WDR18: variants seen among roughly 807,000 people sequenced by gnomAD.
WDR18 encodes the protein WD repeat-containing protein 18.
WDR18 carries 33 observed loss-of-function variants against 49.6 expected under a neutral mutation model. The observed-to-expected ratio is 0.67, with a 90% CI of 0.50 to 0.89. The LOEUF is 0.89. Ranked by LOEUF, WDR18 falls within the 40% of genes least tolerant of loss-of-function variation. The probability of loss-of-function intolerance (pLI) is 0.00; values close to 1 mark genes in which losing one functional copy is unlikely to be tolerated. For synonymous variants in WDR18, 315 were observed against 263.6 expected, an observed-to-expected ratio of 1.19 and a Z score of -1.89; for missense variants, 653 against 593.6, an observed-to-expected ratio of 1.10 and a Z score of -1.04.
Position 991,163 on chromosome 19 carries a change from G to C in WDR18, c.806+18G>C. On this transcript the variant is annotated intron_variant, in intron 6 of 9. Transcript: ENST00000585809. ...GGGCACAGGTGGGGACGTGGGAACG[G>C]GGCGGGGGCTCCCAGGCACGTCCTG... The C allele has an allele frequency of 6.4e-7, 1 of 1,558,388 alleles. No homozygotes were observed. Among genetic ancestry groups the C allele is most frequent in the Non-Finnish European group, 8.7e-7 (1 of 1,151,230 alleles).
intron 2 of WDR18, among the ~76,000 whole-genome samples, chr19:987,898 A>G (rs11670507): frequency 0.48 from 67,054 of 140,708 alleles, 16,240 homozygotes; most frequent in Non-Finnish European, 0.54. Flanking sequence ...GCAGTGGCTC[A>G]ATCTCAGATC....
intron 2 of WDR18, among the ~76,000 whole-genome samples, chr19:986,849 G>A (rs2038480656): frequency 6.6e-6 from 1 of 152,192 alleles, no homozygotes; most frequent in Admixed American, 6.5e-5. Context: ...CGGCTGTGTT[G>A]TCACAAATGG....
intron 1 of WDR18, among the ~76,000 whole-genome samples, chr19:984,906 G>A (rs932614143): frequency 6.6e-6 from 1 of 152,192 alleles, no homozygotes; most frequent in Non-Finnish European, 1.5e-5. Flanking sequence ...TGTGGATGTT[G>A]TGGTTCTGGA....
chr19:991,831 G>A lies in WDR18; in HGVS notation c.932-124G>A, dbSNP rs1230994230. ...CGTGGGGCGGGGCCTGGCTGGGGGC[G>A]TGGACTGGCTGTGGGGCGGGGACTG... On this transcript the variant is annotated intron_variant, in intron 7 of 9. Coordinates refer to ENST00000585809, the MANE Select transcript of WDR18 (RefSeq NM_024100.4). The A allele has an allele frequency of 1.7e-5, 18 of 1,077,610 alleles. No individual in the cohort carries two copies. In the Admixed American group the frequency reaches 3.0e-4, roughly 18 times the overall value. 66.8% of individuals were successfully genotyped at this position (1,077,610 alleles called of 1,614,324 possible).
At chr19:989,424 A>G (rs1050577186) in intron 2 of WDR18, among the ~76,000 whole-genome samples, 3 of 152,042 alleles carry the variant, frequency 2.0e-5, no homozygotes, top group Non-Finnish European at 2.9e-5. Context: ...AGCCGTTCCT[A>G]CGGGGCCCAC....
chr19:989,625 C>G, intron 2 of WDR18, 137 bp from the exon 3 acceptor site: 1 of 1,299,114 alleles, frequency 7.7e-7, no homozygotes, highest in Non-Finnish European at 1.0e-6. Context: ...CAGGGTCACC[C>G]CGCAGTCCTG....
chr19:993,544 G>T (rs2038588357), intron 8 of WDR18, among the ~76,000 whole-genome samples: 1 of 152,262 alleles, frequency 6.6e-6, no homozygotes, highest in Non-Finnish European at 1.5e-5. Context: ...CAGGAGGCGG[G>T]TTCCCGACCT....
Position 990,897 on chromosome 19 carries a change from G to C in WDR18, c.643G>C (p.Asp215His). 1 of 1,612,658 alleles carries C rather than the reference G, an allele frequency of 6.2e-7. No individual in the cohort carries two copies. Among genetic ancestry groups the C allele is most frequent in the South Asian group, 1.1e-5 (1 of 91,044 alleles). The change falls in exon 5 of 10, where the codon GAC becomes CAC. Residue 215 changes from aspartate to histidine, a missense_variant. Transcript: ENST00000585809. ...SGELLLSVLF[D>H]VSIMAVTMDL... ...GGAGCTGCTGCTCTCCGTCCTCTTT[G>C]ACGTGTCCATCATGGCAGTGACCAT...
At chr19:990,067 CTGGGGGCCG>C (rs2145509199) in intron 3 of WDR18, 147 bp from the exon 4 acceptor site, 1 of 1,390,796 alleles carries the variant, frequency 7.2e-7, no homozygotes, top group Admixed American at 2.7e-5. Context: ...CTGGTTTGTT[CTGGGGGCCG>C]TGGGGGCCCA....
intron 8 of WDR18, among the ~76,000 whole-genome samples, chr19:992,502 C>T (rs1417753519): frequency 6.6e-6 from 1 of 152,212 alleles, no homozygotes; most frequent in African/African-American, 2.4e-5. Context: ...CAGGAGCAGC[C>T]GTGAGGGCAG....
In WDR18 at chr19:994,278, C is replaced by T. The variant is rs888424166; in HGVS notation, c.1233C>T (p.Asn411=). ...CGGAGCTGGAGGACGAGGTGCGCAA[C>T]CTGCGCAAGATCAATCGGGACCTGT... The part of the protein sequence containing the change: ...RVTELEDEVR[N]LRKINRDLFD... The change falls in exon 10 of 10, where the codon AAC becomes AAT. Residue 411 remains asparagine (N), a synonymous_variant. Coordinates refer to ENST00000585809, the MANE Select transcript of WDR18 (RefSeq NM_024100.4). 3 of 1,610,502 alleles carry T rather than the reference C, an allele frequency of 1.9e-6. No homozygotes were observed. The highest frequency in any genetic ancestry group is 1.7e-6 in the Non-Finnish European group (2 of 1,179,146).
rs754094643 is a variant in WDR18, at chr19:991,243, C to T, written c.823C>T (p.Leu275=). ...TCTGTCCAGGAACCAGGTGACTTGC[C>T]TGTCAGTGTCCACTGACGGCAGCGT... ...FKGHRNQVTC[L]SVSTDGSVLL... Residue 275 remains leucine (L), a synonymous_variant, in exon 7 of 10, where the codon CTG becomes TTG. Transcript: ENST00000585809. The T allele has an allele frequency of 1.5e-5, 23 of 1,574,372 alleles. No individual in the cohort carries two copies. The highest frequency in any genetic ancestry group is 1.4e-4 in the South Asian group (12 of 86,774).
In WDR18 at chr19:994,085, G is replaced by A; in HGVS notation, c.1164G>A (p.Glu388=). ...AGGCCGTCCTGTGCAGCACCATGGA[G>A]AAGGTGGGCGGGGCCTCGGGAGGGG... ...QLQAVLCSTM[E]KSVLGGQDQL... The change falls in exon 9 of 10, where the codon GAG becomes GAA. Residue 388 remains glutamate (E), a synonymous_variant. Transcript: ENST00000585809. 6.4e-7 allele frequency: 1 copy of A among 1,557,286 alleles called. No homozygotes were observed. Among genetic ancestry groups the A allele is most frequent in the Non-Finnish European group, 8.7e-7 (1 of 1,152,358 alleles).
intron 8 of WDR18, among the ~76,000 whole-genome samples, chr19:992,903 C>T (rs2240152): frequency 0.46 from 69,973 of 152,180 alleles, 16,772 homozygotes; most frequent in Non-Finnish European, 0.53. Flanking sequence ...CACGCGCCCT[C>T]TTCTTACCTG....
chr19:994,204 C>A lies in WDR18; in HGVS notation c.1168-9C>A. 6.3e-7 allele frequency: 1 copy of A among 1,595,354 alleles called. No homozygotes were observed. Among genetic ancestry groups the A allele is most frequent in the South Asian group, 1.1e-5 (1 of 88,966 alleles). On this transcript the variant is annotated splice_polypyrimidine_tract_variant and intron_variant, in intron 9 of 9. Transcript: ENST00000585809. ...CACTTCTGCCCTCTGACCCCGACTT[C>A]TCCCGCAGAGCGTGCTCGGCGGCCA... is the stretch of plus-strand genomic sequence containing the variant.
chr19:984,087 C>A (rs772146537), upstream of WDR18, among the ~76,000 whole-genome samples: 1 of 152,206 alleles, frequency 6.6e-6, no homozygotes, highest in South Asian at 2.1e-4. Context: ...AGTCAGGTAC[C>A]CCGGCTCTAG....
In WDR18 at chr19:991,352, G is replaced by A; in HGVS notation, c.931+1G>A. 1 of 1,551,586 alleles carries A rather than the reference G, an allele frequency of 6.4e-7. No individual in the cohort carries two copies. The highest frequency in any genetic ancestry group is 8.7e-7 in the Non-Finnish European group (1 of 1,148,074). On this transcript the variant is annotated splice_donor_variant, in intron 7 of 9. Coordinates refer to ENST00000585809, the MANE Select transcript of WDR18 (RefSeq NM_024100.4). LOFTEE classifies it high-confidence loss of function. ...TGCATCCGGACGGTGGCCCTCAAAG[G>A]TGGGCGCGCCTCTGCTCGGCCCGCG...
At chr19:988,325 G>A (rs199716765) in intron 2 of WDR18, among the ~76,000 whole-genome samples, 2 of 152,168 alleles carry the variant, frequency 1.3e-5, no homozygotes, top group East Asian at 3.9e-4. Flanking sequence ...CTGTGGGGCG[G>A]GAGCTGGTCC....
chr19:991,292 A>C lies in WDR18; in HGVS notation c.872A>C (p.Glu291Ala), dbSNP rs1312193262. Reference protein sequence around the residue: ...GSVLLSGSHDETVRLWDVQSK... With the variant: ...GSVLLSGSHDATVRLWDVQSK... Reference sequence around the variant, plus strand: ...GTGCTGCTCTCAGGCTCCCACGACGAGACCGTGCGCCTCTGGGACGTGCAG... The same window carrying C: ...GTGCTGCTCTCAGGCTCCCACGACGCGACCGTGCGCCTCTGGGACGTGCAG... Residue 291 changes from glutamate to alanine, a missense_variant, in exon 7 of 10, where the codon GAG (glutamate) becomes GCG (alanine). Physicochemically the swap from Glu to Ala is moderately radical, Grantham distance 107. Transcript: ENST00000585809. 1.9e-6 allele frequency: 3 copies of C among 1,563,750 alleles called. No homozygotes were observed. Among genetic ancestry groups the C allele is most frequent in the Non-Finnish European group, 2.6e-6 (3 of 1,153,686 alleles).
Sources: gnomAD v4.1 joint callset for allele counts (sites outside exome capture counted in the v4.1 genomes callset) on GRCh38, gnomAD v4.1.1 for gene constraint, MANE v1.5 for transcripts, NCBI Gene and HGNC (gene_info 2026-07-23, HGNC 2026-07-21) for gene names.